The following TSPAN16 variants were observed in gnomAD, a reference collection of about 807,000 sequenced individuals.
TSPAN16 encodes the protein tetraspanin 16.
In TSPAN16, 23 loss-of-function variants were observed where a neutral mutation model predicts 25.2. That is an observed-to-expected ratio of 0.91 (90% CI 0.66 to 1.29). TSPAN16 has a LOEUF of 1.29. Among genes scored for constraint, TSPAN16 ranks in the 50% most tolerant of loss-of-function variants. TSPAN16 has a pLI of 0.00. For synonymous variants in TSPAN16, 123 were observed against 124.4 expected (o/e 0.99, Z 0.08); for missense variants, 272 against 299.9 (o/e 0.91, Z 0.69).
At chr19:11,302,661 A>ATATATATATATGTG (rs1491107301) in intron 4 of TSPAN16, among the ~76,000 whole-genome samples, 58 of 101,828 alleles carry the variant, frequency 5.7e-4, no homozygotes, top group South Asian at 1.2e-3. Flanking sequence ...ATACACATAC[A>ATATATATATATGTG]TATATATATA....
rs1473799346 is a variant in TSPAN16 at position 11,298,141 on chromosome 19, G to A, written c.70-1G>A. On this transcript the variant is annotated splice_acceptor_variant, in intron 1 of 6. Coordinates refer to ENST00000590327, the MANE Select transcript of TSPAN16 (RefSeq NM_001282509.2). LOFTEE classifies it high-confidence loss of function. Reference sequence around the variant, plus strand: ...CTTCCTTTCTGGTTTCTGTTCTAAAGGTGTCTGGCATCATCCTAGTTGGCC... The same window carrying A: ...CTTCCTTTCTGGTTTCTGTTCTAAAAGTGTCTGGCATCATCCTAGTTGGCC... The A allele has an allele frequency of 2.5e-6, 4 of 1,614,068 alleles. No individual in the cohort carries two copies. The highest frequency in any genetic ancestry group is 3.4e-6 in the Non-Finnish European group (4 of 1,179,988).
chr19:11,300,620 A>G (rs948587786), intron 3 of TSPAN16, among the ~76,000 whole-genome samples: 3 of 152,156 alleles, frequency 2.0e-5, no homozygotes, highest in African/African-American at 2.4e-5. Context: ...TTGCTTTGAC[A>G]CACATAGAAG....
At chr19:11,312,595 A>C (rs914750877) in intron 6 of TSPAN16, among the ~76,000 whole-genome samples, 1 of 151,824 alleles carries the variant, frequency 6.6e-6, no homozygotes, top group African/African-American at 2.4e-5. Flanking sequence ...CCCCATCTCT[A>C]CAAAAACAAA....
intron 4 of TSPAN16, among the ~76,000 whole-genome samples, 174 bp downstream of exon 4, chr19:11,301,482 A>G (rs2080548728): frequency 6.6e-6 from 1 of 151,732 alleles, no homozygotes. Flanking sequence ...TCTACTAAAA[A>G]TACAAAAATT....
chr19:11,308,325 G>A (rs2080651797), intron 5 of TSPAN16, among the ~76,000 whole-genome samples: 1 of 152,068 alleles, frequency 6.6e-6, no homozygotes. Flanking sequence ...TTGAGACGGA[G>A]TCTTGCTCTA....
chr19:11,308,422 C>T (rs1281887838), intron 5 of TSPAN16, among the ~76,000 whole-genome samples: 1 of 152,076 alleles, frequency 6.6e-6, no homozygotes, highest in African/African-American at 2.4e-5. Flanking sequence ...CCTCAGCCTC[C>T]CGAGTAGCTG....
At chr19:11,308,703 G>C (rs187748916) in intron 5 of TSPAN16, among the ~76,000 whole-genome samples, 41 of 152,106 alleles carry the variant, frequency 2.7e-4, no homozygotes, top group Middle Eastern at 3.4e-3. Context: ...TCCATCTCCT[G>C]ACCTCATGAT....
At chr19:11,312,008 C>G in intron 5 of TSPAN16, 131 bp from the exon 6 acceptor site, 1 of 652,940 alleles carries the variant, frequency 1.5e-6, no homozygotes, top group Admixed American at 2.4e-5. Flanking sequence ...AAGGCCCTCA[C>G]GGCTCTCTCC....
intron 5 of TSPAN16, among the ~76,000 whole-genome samples, chr19:11,311,914 C>T (rs141964186): frequency 1.3e-5 from 2 of 152,142 alleles, no homozygotes; most frequent in Admixed American, 6.6e-5. Context: ...AGGGAATCAT[C>T]GGTATATTCT....
intron 6 of TSPAN16, among the ~76,000 whole-genome samples, chr19:11,315,473 C>T (rs901642615): frequency 2.0e-5 from 3 of 150,966 alleles, no homozygotes; most frequent in African/African-American, 2.4e-5. Context: ...AGGAGAATGG[C>T]GTGAACCTGG....
intron 6 of TSPAN16, among the ~76,000 whole-genome samples, chr19:11,315,235 CAATAATAATAATAATAATAAT>C (rs58115943): frequency 8.0e-6 from 1 of 124,738 alleles, no homozygotes; most frequent in Non-Finnish European, 1.6e-5. Context: ...GACTCCTTCT[CAATAATAATAATAATAATAAT>C]AATAATAATA....
downstream of TSPAN16, among the ~76,000 whole-genome samples, chr19:11,320,070 C>T (rs1408570965): frequency 6.6e-6 from 1 of 150,422 alleles, no homozygotes; most frequent in Non-Finnish European, 1.5e-5. Flanking sequence ...TGCCCGCCTC[C>T]GCCTCCCAAG....
At chr19:11,305,769 G>A (rs1038871344) in intron 4 of TSPAN16, among the ~76,000 whole-genome samples, 2 of 152,078 alleles carry the variant, frequency 1.3e-5, no homozygotes, top group African/African-American at 4.8e-5. Flanking sequence ...AGGAGGCAGA[G>A]GAGGGAGAAT....
At chr19:11,306,823 A>C in intron 5 of TSPAN16, 67 bp downstream of exon 5, 1 of 1,489,374 alleles carries the variant, frequency 6.7e-7, no homozygotes, top group Non-Finnish European at 9.1e-7. Context: ...TTTTATTTTT[A>C]TCTTATTTTG....
intron 3 of TSPAN16, among the ~76,000 whole-genome samples, chr19:11,299,985 G>GAAAAA (rs60293071): frequency 2.8e-5 from 3 of 107,752 alleles, no homozygotes; most frequent in Admixed American, 9.7e-5. Context: ...CTCAAAAAAA[G>GAAAAA]AAAAAAAAAA....
downstream of TSPAN16, chr19:11,316,032 A>C (rs2080745675): frequency 9.9e-7 from 1 of 1,014,108 alleles, no homozygotes; most frequent in Non-Finnish European, 1.3e-6. Flanking sequence ...AAAATGCCTG[A>C]ATGAGAGACT....
Position 11,298,024 on chromosome 19 carries a change from T to TCTTGGC in TSPAN16, c.70-109_70-104dup, listed in dbSNP as rs994347451. The TCTTGGC allele has an allele frequency of 2.9e-6, 3 of 1,021,874 alleles. No homozygotes were observed. In the South Asian group the frequency reaches 4.5e-5, roughly 15 times the overall value. The allele number at this position is 1,021,874 out of a possible 1,614,324, so 63.3% of individuals were successfully genotyped here. A position where few individuals can be genotyped will look rare whatever the true frequency, so the allele number is the denominator to read the frequency against. ...CTGGTCTTGAACTCCTGGGCTCAAGTCTTGGCCTTGGCCTCCCAAAGTGCT... is the reference window on the plus strand; with the variant it reads ...CTGGTCTTGAACTCCTGGGCTCAAGTCTTGGCCTTGGCCTTGGCCTCCCAAAGTGCT... On this transcript the variant is annotated intron_variant, in intron 1 of 6. Coordinates refer to ENST00000590327, the MANE Select transcript of TSPAN16 (RefSeq NM_001282509.2).
intron 4 of TSPAN16, among the ~76,000 whole-genome samples, chr19:11,301,905 C>G (rs1247354534): frequency 1.3e-5 from 2 of 151,388 alleles, no homozygotes; most frequent in East Asian, 2.0e-4. Context: ...CTCACTGCAA[C>G]CTCCACCTCC....
At chr19:11,318,178 T>C (rs1354793537), downstream of TSPAN16, among the ~76,000 whole-genome samples, 9 of 151,912 alleles carry the variant, frequency 5.9e-5, no homozygotes, top group East Asian at 1.4e-3. Context: ...AGGCACCCGC[T>C]ACCATGCCCG....
Sources: allele counts gnomAD v4.1 joint callset (sites outside exome capture counted in the v4.1 genomes callset), GRCh38; gene constraint gnomAD v4.1.1; transcripts MANE v1.5; gene names NCBI Gene and HGNC (gene_info 2026-07-23, HGNC 2026-07-21).